Variants in DEGS2 observed in about 807,000 individuals in gnomAD.
DEGS2 encodes delta 4-desaturase, sphingolipid 2.
A neutral mutation model predicts 23.8 loss-of-function variants in DEGS2; 19 were observed. That is an observed-to-expected ratio of 0.80 (90% CI 0.56 to 1.17). The LOEUF (loss-of-function observed/expected upper bound fraction) is 1.17. Ranked by LOEUF, DEGS2 falls within the 50% of genes most tolerant of loss-of-function variation. DEGS2 has a pLI of 0.00. For missense variants in DEGS2, 390 were observed against 459.5 expected, an observed-to-expected ratio of 0.85 and a Z score of 1.38; for synonymous variants, 218 against 213.7, an observed-to-expected ratio of 1.02 and a Z score of -0.18.
Position 100,148,958 on chromosome 14 carries a change from A to G in DEGS2, c.825+10T>C. 6.2e-7 allele frequency: 1 copy of G among 1,609,822 alleles called. No homozygotes were observed. Among genetic ancestry groups the G allele is most frequent in the Non-Finnish European group, 8.5e-7 (1 of 1,177,908 alleles). On this transcript the variant is annotated intron_variant, in intron 2 of 2. Transcript: ENST00000305631. ...TGCCCCGCCGCAGCCCTGCCAGCCC[A>G]GCCACATACCAGCGGCAGGTTGTAG...
At chr14:100,157,500 T>C (rs921037642) in intron 1 of DEGS2, among the ~76,000 whole-genome samples, 13 of 152,260 alleles carry the variant, frequency 8.5e-5, no homozygotes, top group Non-Finnish European at 1.8e-4. Flanking sequence ...CCTGTTCACA[T>C]GATGAGCAGG....
chr14:100,157,851 G>A (rs1889682066), intron 1 of DEGS2, among the ~76,000 whole-genome samples: 1 of 152,166 alleles, frequency 6.6e-6, no homozygotes, highest in Admixed American at 6.5e-5. Flanking sequence ...AGTTTGGGAG[G>A]CAGAGGCGGG....
chr14:100,158,314 G>A (rs1256109146), intron 1 of DEGS2, among the ~76,000 whole-genome samples: 2 of 152,054 alleles, frequency 1.3e-5, no homozygotes, highest in African/African-American at 4.8e-5. Context: ...AGGAGGCTGA[G>A]GTAGGAGGAT....
At chr14:100,152,850 G>T (rs956870520) in intron 1 of DEGS2, among the ~76,000 whole-genome samples, 1 of 148,874 alleles carries the variant, frequency 6.7e-6, no homozygotes, top group Non-Finnish European at 1.5e-5. Context: ...ATAATCACAT[G>T]AGCCAATTCC....
chr14:100,158,545 T>TAATTA (rs897273435), intron 1 of DEGS2, among the ~76,000 whole-genome samples: 2 of 152,122 alleles, frequency 1.3e-5, no homozygotes, highest in African/African-American at 4.8e-5. Flanking sequence ...ATAAATAAAT[T>TAATTA]AATTAAATTA....
chr14:100,159,799 T>C (rs1889723140), upstream of DEGS2: 3 of 326,318 alleles, frequency 9.2e-6, no homozygotes, highest in Non-Finnish European at 1.7e-5. Context: ...GCTGGCGCTT[T>C]GGGAACCTCA....
At chr14:100,166,304 G>A in the DEGS2 span, among the ~76,000 whole-genome samples, 1 of 55,408 alleles carries the variant, frequency 1.8e-5, no homozygotes, top group African/African-American at 1.0e-4. Context: ...CCTGCCCGGG[G>A]CTGTGGGGGA....
Position 100,149,105 on chromosome 14 carries a change from C to T in DEGS2, c.688G>A (p.Val230Met), listed in dbSNP as rs746617525. Residue 230 changes from valine (V) to methionine (M), a missense_variant, in exon 2 of 3, where the codon GTG becomes ATG. Physicochemically the swap from Val to Met is conservative, Grantham distance 21. Transcript: ENST00000305631. ...TTGAGGAACATGTAGTGCTCGGCCA[C>T]GAAGTGGCCCGAGATGGGGTGCAGG... is the stretch of plus-strand genomic sequence containing the variant. The part of the protein sequence containing the change: ...LGLHPISGHF[V>M]AEHYMFLKGH... 1.2e-6 allele frequency: 2 copies of T among 1,612,974 alleles called. No individual in the cohort carries two copies. The highest frequency in any genetic ancestry group is 3.3e-5 in the Admixed American group (2 of 60,038).
Position 100,149,262 on chromosome 14 carries a change from G to T in DEGS2, c.531C>A (p.Val177=), listed in dbSNP as rs150498865. 23 of 1,612,738 alleles carry T rather than the reference G, an allele frequency of 1.4e-5. No homozygotes were observed. The highest frequency in any genetic ancestry group is 1.9e-5 in the Non-Finnish European group (22 of 1,179,908). Residue 177 remains valine, a synonymous_variant, in exon 2 of 3, where the codon GTC becomes GTA. Transcript: ENST00000305631. ...PFFYSLRPLC[V]HPKAVTRMEV... ...CCATGCGGGTCACGGCCTTGGGGTGGACGCAGAGCGGCCGTAGTGAGTAGA... is the reference window on the plus strand; with the variant it reads ...CCATGCGGGTCACGGCCTTGGGGTGTACGCAGAGCGGCCGTAGTGAGTAGA...
chr14:100,156,356 G>A lies in DEGS2; in HGVS notation c.82+3150C>T, dbSNP rs906881579. On this transcript the variant is annotated intron_variant, in intron 1 of 2. Transcript: ENST00000305631. ...TGGGAATAGCATAGGCATGGAGGAAGCAGAGAGTATTCCCTGTCCTTAGGG... is the reference window on the plus strand; with the variant it reads ...TGGGAATAGCATAGGCATGGAGGAAACAGAGAGTATTCCCTGTCCTTAGGG... 3.9e-5 allele frequency among the ~76,000 whole-genome samples: 6 copies of A among 152,272 alleles called. No homozygotes were observed. In the South Asian group the frequency reaches 1.2e-3, roughly 32 times the overall value.
At chr14:100,159,113 C>G (rs575257352) in intron 1 of DEGS2, among the ~76,000 whole-genome samples, 1 of 152,156 alleles carries the variant, frequency 6.6e-6, no homozygotes, top group Non-Finnish European at 1.5e-5. Context: ...GGGTGGAGGC[C>G]CCGCGTCGCG....
the DEGS2 span, among the ~76,000 whole-genome samples, chr14:100,166,243 G>A: frequency 2.4e-5 from 3 of 126,586 alleles, no homozygotes; most frequent in African/African-American, 3.1e-5. Flanking sequence ...GGAGAGTGGG[G>A]GGAGCCTGTC....
At chr14:100,162,285 G>T (rs1378249886), upstream of DEGS2, among the ~76,000 whole-genome samples, 1 of 152,066 alleles carries the variant, frequency 6.6e-6, no homozygotes, top group Non-Finnish European at 1.5e-5. Flanking sequence ...GGCGGAGCTT[G>T]CAGTGAGCCG....
intron 1 of DEGS2, among the ~76,000 whole-genome samples, chr14:100,154,638 G>A (rs1447437584): frequency 6.6e-6 from 1 of 152,274 alleles, no homozygotes; most frequent in African/African-American, 2.4e-5. Context: ...GCCAGAGGCA[G>A]GGCCTGCTGA....
At chr14:100,152,639 A>C (rs1487007158) in intron 1 of DEGS2, among the ~76,000 whole-genome samples, 1 of 151,556 alleles carries the variant, frequency 6.6e-6, no homozygotes, top group Non-Finnish European at 1.5e-5. Flanking sequence ...GGATATCAAA[A>C]CTCCAGCCTT....
At chr14:100,150,742 C>G (rs938136221) in intron 1 of DEGS2, among the ~76,000 whole-genome samples, 3 of 152,162 alleles carry the variant, frequency 2.0e-5, no homozygotes, top group Non-Finnish European at 2.9e-5. Context: ...GCCCCGTGCC[C>G]TTCCCGCTTT....
intron 1 of DEGS2, among the ~76,000 whole-genome samples, chr14:100,158,086 CAAAAAAAAAA>C (rs55666851): frequency 1.2e-4 from 12 of 97,980 alleles, no homozygotes; most frequent in Non-Finnish European, 1.2e-4. Flanking sequence ...GACTTCCTCT[CAAAAAAAAAA>C]AAAAAAAAAA....
At chr14:100,150,152 A>AG (rs1320571166) in intron 1 of DEGS2, among the ~76,000 whole-genome samples, 6 of 152,220 alleles carry the variant, frequency 3.9e-5, no homozygotes, top group Non-Finnish European at 8.8e-5. Flanking sequence ...GTCTCCTGTC[A>AG]GGCAGGGCAA....
intron 2 of DEGS2, 56 bp from the exon 3 acceptor site, chr14:100,146,963 A>G: frequency 6.3e-7 from 1 of 1,578,374 alleles, no homozygotes; most frequent in East Asian, 2.2e-5. Flanking sequence ...CGCACCCGCG[A>G]GCACACACGC....
Sources: allele counts gnomAD v4.1 joint callset (sites outside exome capture counted in the v4.1 genomes callset), GRCh38; gene constraint gnomAD v4.1.1; transcripts MANE v1.5; gene names NCBI Gene and HGNC (gene_info 2026-07-23, HGNC 2026-07-21).